Variants in PDZD2 observed in about 807,000 individuals in gnomAD.
The protein encoded by PDZD2 is PDZ domain-containing protein 2.
A neutral mutation model predicts 220.7 loss-of-function variants in PDZD2; 90 were observed. That is an observed-to-expected ratio of 0.41 (90% CI 0.34 to 0.49). The LOEUF (loss-of-function observed/expected upper bound fraction) is 0.49, where lower values mean the gene tolerates loss of function less well. PDZD2 is among the 20% of genes least tolerant of loss of function. PDZD2 has a pLI of 0.28. For missense variants in PDZD2, 3,174 were observed against 3,608.5 expected, an observed-to-expected ratio of 0.88 and a Z score of 3.08; for synonymous variants, 1,375 against 1,450.5, an observed-to-expected ratio of 0.95 and a Z score of 1.18.
intron 21 of PDZD2, among the ~76,000 whole-genome samples, chr5:32,096,040 G>A (rs558597284): frequency 6.6e-6 from 1 of 151,958 alleles, no homozygotes; most frequent in African/African-American, 2.4e-5. Context: ...ACCGCACCCG[G>A]CGTAGGAGGC....
In PDZD2 at chr5:32,028,684, G is replaced by GTT. The variant is rs1287949594; in HGVS notation, c.1408-8533_1408-8532dup. Among the ~76,000 whole-genome samples the GTT allele has an allele frequency of 5.9e-4, 58 of 97,482 alleles. 1 individual carries two copies. The highest frequency in any genetic ancestry group is 4.3e-4 in the Non-Finnish European group (19 of 44,006). The allele number at this position is 97,482 out of a possible 152,430, so 64.0% of individuals were successfully genotyped here. A position where few individuals can be genotyped will look rare whatever the true frequency, so the allele number is the denominator to read the frequency against. Reference sequence around the variant, plus strand: ...TCTATTTTTTTTTTTTGTTTTTTTTGTTTTTTTTTTTTTTTGAGACAGAGT... The same window carrying GTT: ...TCTATTTTTTTTTTTTGTTTTTTTTGTTTTTTTTTTTTTTTTTGAGACAGAGT... On this transcript the variant is annotated intron_variant, in intron 6 of 24. Coordinates refer to ENST00000438447, the MANE Select transcript of PDZD2 (RefSeq NM_178140.4).
intron 1 of PDZD2, among the ~76,000 whole-genome samples, chr5:31,644,566 A>T (rs1745066878): frequency 6.6e-6 from 1 of 152,180 alleles, no homozygotes; most frequent in African/African-American, 2.4e-5. Context: ...GAGAAGACAC[A>T]TTTGTCTTTT....
chr5:31,877,643 C>G (rs75118678), intron 2 of PDZD2, among the ~76,000 whole-genome samples: 8,675 of 152,114 alleles, frequency 0.057, 846 homozygotes, highest in African/African-American at 0.2. Context: ...AATTGCTTCA[C>G]AGAAATTTGC....
intron 7 of PDZD2, among the ~76,000 whole-genome samples, chr5:32,040,932 T>C (rs10040998): frequency 0.041 from 5,126 of 124,606 alleles, 380 homozygotes; most frequent in African/African-American, 0.15. Flanking sequence ...TCTGCCCGGC[T>C]GCCACCCCAT....
intron 1 of PDZD2, among the ~76,000 whole-genome samples, chr5:31,780,701 T>C (rs1211620685): frequency 6.6e-6 from 1 of 152,186 alleles, no homozygotes. Flanking sequence ...TTCAAGAGGC[T>C]GGTTACAAAA....
chr5:32,006,152 A>AC (rs1277195165), intron 5 of PDZD2, among the ~76,000 whole-genome samples: 1 of 151,924 alleles, frequency 6.6e-6, no homozygotes, highest in Non-Finnish European at 1.5e-5. Context: ...ACTTCAAAAA[A>AC]AAAAAAAAAA....
Position 31,904,374 on chromosome 5 carries a change from TCTCTTATCTTCCCAGGGC to T in PDZD2, c.477-78778_477-78761del, listed in dbSNP as rs539014295. On this transcript the variant is annotated intron_variant, in intron 2 of 24. Transcript: ENST00000438447. ...TCATGGATGAAGCCAAGAAAATAGA[TCTCTTATCTTCCCAGGGC>T]CTTTTAAATGAACCAGTATTTATAA... Among the ~76,000 whole-genome samples the T allele has an allele frequency of 4.9e-4, 74 of 152,298 alleles. 1 individual carries two copies. The highest frequency in any genetic ancestry group is 8.8e-5 in the Non-Finnish European group (6 of 68,036).
intron 17 of PDZD2, among the ~76,000 whole-genome samples, chr5:32,072,948 C>CCTAG (rs1256203494): frequency 6.6e-6 from 1 of 152,062 alleles, no homozygotes; most frequent in African/African-American, 2.4e-5. Flanking sequence ...CTCACCAGGC[C>CCTAG]CTAGCTTCAT....
chr5:32,089,041 A>G lies in PDZD2; in HGVS notation c.5593A>G (p.Lys1865Glu). Residue 1865 changes from lysine to glutamate, a missense_variant, in exon 20 of 25, where the codon AAG (lysine) becomes GAG (glutamate). This residue lies in a region of PDZD2 where 1,861 missense variants were observed against 2,001.0 expected (regional missense o/e 0.93). Transcript: ENST00000438447. ...KTNLENKDLS[K>E]KSPAEMLLTN... ...AAACCTGGAAAATAAGGACCTGTCT[A>G]AGAAGAGTCCGGCAGAAATGCTTCT... 6.2e-7 allele frequency: 1 copy of G among 1,613,912 alleles called. No homozygotes were observed. Among genetic ancestry groups the G allele is most frequent in the South Asian group, 1.1e-5 (1 of 91,082 alleles).
intron 1 of PDZD2, among the ~76,000 whole-genome samples, chr5:31,777,682 A>C (rs1035207720): frequency 6.6e-6 from 1 of 152,178 alleles, no homozygotes; most frequent in Non-Finnish European, 1.5e-5. Flanking sequence ...GGATGCACCA[A>C]TCGGCACTCT....
At chr5:31,658,744 T>C (rs912240330) in intron 1 of PDZD2, among the ~76,000 whole-genome samples, 4 of 151,990 alleles carry the variant, frequency 2.6e-5, no homozygotes, top group Non-Finnish European at 5.9e-5. Flanking sequence ...CCCAGCCTCC[T>C]GAGTAGCTGG....
chr5:31,894,164 C>T (rs532992964), intron 2 of PDZD2, among the ~76,000 whole-genome samples: 1 of 150,094 alleles, frequency 6.7e-6, no homozygotes, highest in South Asian at 2.1e-4. Context: ...CCACTCATCT[C>T]AGCCTCCCAA....
intron 2 of PDZD2, among the ~76,000 whole-genome samples, chr5:31,849,632 T>C (rs1368431060): frequency 1.3e-5 from 2 of 151,740 alleles, no homozygotes; most frequent in Non-Finnish European, 2.9e-5. Flanking sequence ...TTACTTGAGG[T>C]CAGGAGTTCG....
chr5:31,887,005 C>T lies in PDZD2; in HGVS notation c.476+87281C>T, dbSNP rs1006790358. Among the ~76,000 whole-genome samples the T allele has an allele frequency of 2.6e-5, 4 of 152,300 alleles. No homozygotes were observed. In the South Asian group the frequency reaches 8.3e-4, roughly 32 times the overall value. On this transcript the variant is annotated intron_variant, in intron 2 of 24. Transcript: ENST00000438447. ...TGAGCCACCACGCCTGGTCTCTGTA[C>T]TTATCTCTTGAATGCCGCCTGGGTG... is the stretch of plus-strand genomic sequence containing the variant.
At chr5:31,899,277 C>T (rs570518021) in intron 2 of PDZD2, among the ~76,000 whole-genome samples, 4 of 152,156 alleles carry the variant, frequency 2.6e-5, no homozygotes, top group East Asian at 3.9e-4. Flanking sequence ...ATTACAGGCA[C>T]GTGTTACCAT....
chr5:31,732,758 T>G (rs899542698), intron 1 of PDZD2, among the ~76,000 whole-genome samples: 1 of 152,306 alleles, frequency 6.6e-6, no homozygotes, highest in African/African-American at 2.4e-5. Flanking sequence ...AGACAGAGCC[T>G]CACTCTGTCA....
intron 2 of PDZD2, among the ~76,000 whole-genome samples, chr5:31,927,309 G>C (rs1024937803): frequency 6.6e-5 from 10 of 152,208 alleles, no homozygotes; most frequent in African/African-American, 2.4e-4. Flanking sequence ...GGCTGGTCCA[G>C]CTCTTTCTGG....
chr5:31,712,587 T>C (rs1357509393), intron 1 of PDZD2, among the ~76,000 whole-genome samples: 1 of 152,114 alleles, frequency 6.6e-6, no homozygotes, highest in Non-Finnish European at 1.5e-5. Flanking sequence ...TGGCAGCTCA[T>C]GGCTCCCCAG....
At chr5:31,706,963 A>G (rs538364164) in intron 1 of PDZD2, among the ~76,000 whole-genome samples, 1 of 152,034 alleles carries the variant, frequency 6.6e-6, no homozygotes, top group East Asian at 1.9e-4. Flanking sequence ...CCCCAGCATG[A>G]CCATGTTTGG....
Sources: gnomAD v4.1 joint callset for allele counts (sites outside exome capture counted in the v4.1 genomes callset) on GRCh38, gnomAD v4.1.1 for gene constraint, gnomAD v4.1.1 regional missense constraint, MANE v1.5 for transcripts, NCBI Gene and HGNC (gene_info 2026-07-23, HGNC 2026-07-21) for gene names.